The following KCNQ1 variants were observed in gnomAD, a reference collection of about 807,000 sequenced individuals.
The protein encoded by KCNQ1 is potassium voltage-gated channel subfamily Q member 1.
KCNQ1 carries 49 observed loss-of-function variants against 72.4 expected under a neutral mutation model. The ratio of observed to expected loss-of-function variants is 0.68; its 90% CI spans 0.54 to 0.86. The LOEUF (loss-of-function observed/expected upper bound fraction) is 0.86, where lower values mean the gene tolerates loss of function less well. KCNQ1 is among the 40% of genes least tolerant of loss of function. The pLI is 0.00. For missense variants in KCNQ1, 790 were observed against 945.1 expected, an observed-to-expected ratio of 0.84 and a Z score of 2.15; for synonymous variants, 450 against 412.6, an observed-to-expected ratio of 1.09 and a Z score of -1.10.
chr11:2,613,334 G>A lies in KCNQ1; in HGVS notation c.1393+24480G>A, dbSNP rs923122503. 5 of 398,408 alleles carry A rather than the reference G, an allele frequency of 1.3e-5. No individual in the cohort carries two copies. Among genetic ancestry groups the A allele is most frequent in the African/African-American group, 1.0e-4 (5 of 48,598 alleles). 24.7% of individuals were successfully genotyped at this position (398,408 alleles called of 1,614,324 possible). ...TTCCTTTTAAAATTTTTCTTAATCT[G>A]TCGCTTGCCCAACCAGTATTGAAAC... is the stretch of plus-strand genomic sequence containing the variant. On this transcript the variant is annotated intron_variant, in intron 10 of 15. Coordinates refer to ENST00000155840, the MANE Select transcript of KCNQ1 (RefSeq NM_000218.3). The surrounding 1 kb of genome is among the most constrained non-coding windows in gnomAD (Gnocchi z 4.8).
At position 2,624,230 on chromosome 11, in the gene KCNQ1, T is replaced by A. The variant is rs997464827; in HGVS notation, c.1393+35376T>A. 2.5e-6 allele frequency: 1 copy of A among 398,498 alleles called. No homozygotes were observed. Among genetic ancestry groups the A allele is most frequent in the Non-Finnish European group, 4.4e-6 (1 of 226,060 alleles). The allele number at this position is 398,498 out of a possible 1,614,324, so 24.7% of individuals were successfully genotyped here. On this transcript the variant is annotated intron_variant, in intron 10 of 15. Coordinates refer to ENST00000155840, the MANE Select transcript of KCNQ1 (RefSeq NM_000218.3). The surrounding 1 kb of genome is among the most constrained non-coding windows in gnomAD (Gnocchi z 4.9). ...TCTGTATATCTTCATTGGTGAGATG[T>A]CTGTTAAGGTCTTCAGTCCATTTTG... is the stretch of plus-strand genomic sequence containing the variant.
At position 2,659,072 on chromosome 11, in the gene KCNQ1, T is replaced by C. The variant is rs1308241189; in HGVS notation, c.1394-2889T>C. On this transcript the variant is annotated intron_variant, in intron 10 of 15. Transcript: ENST00000155840. This position sits in a 1 kb window ranked among gnomAD's most constrained non-coding sequence, Gnocchi z 4.3. ...TTTGTTTGTAACACGCTCATCATAG[T>C]CTGCTTTTCATCGTAGGGTCCTCCA... The C allele has an allele frequency of 2.5e-6, 1 of 398,502 alleles. No homozygotes were observed. Among genetic ancestry groups the C allele is most frequent in the Non-Finnish European group, 4.4e-6 (1 of 226,040 alleles). 24.7% of individuals were successfully genotyped at this position (398,502 alleles called of 1,614,324 possible).
intron 2 of KCNQ1, among the ~76,000 whole-genome samples, chr11:2,570,248 T>C (rs564745269): frequency 2.0e-5 from 3 of 148,582 alleles, no homozygotes; most frequent in Admixed American, 2.0e-4. Context: ...GAGTTCCTGG[T>C]GTGGGGCCCC....
At chr11:2,650,987 T>C (rs1590005836) in intron 10 of KCNQ1, 1 of 398,652 alleles carries the variant, frequency 2.5e-6, no homozygotes, top group Non-Finnish European at 4.4e-6. Flanking sequence ...TTATCAACTC[T>C]CTGGATTTGC....
intron 11 of KCNQ1, chr11:2,665,187 C>G (rs1447235476): frequency 2.5e-6 from 1 of 398,566 alleles, no homozygotes; most frequent in Non-Finnish European, 4.4e-6. Context: ...GACTCAGCCT[C>G]GAACACACCT....
chr11:2,820,537 G>A (rs577980103), intron 15 of KCNQ1, among the ~76,000 whole-genome samples: 1 of 152,146 alleles, frequency 6.6e-6, no homozygotes, highest in East Asian at 1.9e-4. Flanking sequence ...GGAGTTCTGC[G>A]ACTCCTCCAC....
chr11:2,792,500 C>T (rs1047325430), intron 15 of KCNQ1, among the ~76,000 whole-genome samples: 1 of 152,252 alleles, frequency 6.6e-6, no homozygotes, highest in African/African-American at 2.4e-5. Context: ...GAGAAACTCT[C>T]TCCCTCAGGT....
intron 15 of KCNQ1, among the ~76,000 whole-genome samples, chr11:2,790,527 T>TTTCCCATCCCCCC (rs1407214566): frequency 1.1e-4 from 16 of 152,152 alleles, no homozygotes; most frequent in Non-Finnish European, 8.8e-5. Context: ...CACAGACCCC[T>TTTCCCATCCCCCC]TTCCCATCCC....
chr11:2,837,210 G>A (rs2237896), intron 15 of KCNQ1, among the ~76,000 whole-genome samples: 9,698 of 152,214 alleles, frequency 0.064, 921 homozygotes, highest in East Asian at 0.37. Context: ...AAGAGCGCCC[G>A]GGGAGAGGCC....
In KCNQ1 at chr11:2,562,254, G is replaced by T. The variant is rs1428626472; in HGVS notation, c.478-8374G>T. Among the ~76,000 whole-genome samples, 1 of 152,138 alleles carries T rather than the reference G, an allele frequency of 6.6e-6. No individual in the cohort carries two copies. Among genetic ancestry groups the T allele is most frequent in the African/African-American group, 2.4e-5 (1 of 41,428 alleles). The stretch of plus-strand genomic sequence containing the variant: ...GGGGTGAGTGTGGATGAGGGCCCCA[G>T]CTGTGCCCAGCACGTCACTGGGGGC... On this transcript the variant is annotated intron_variant, in intron 2 of 15. Transcript: ENST00000155840. This position sits in a 1 kb window ranked among gnomAD's most constrained non-coding sequence, Gnocchi z 7.5.
chr11:2,718,942 G>A (rs1329717125), intron 11 of KCNQ1, among the ~76,000 whole-genome samples: 1 of 152,244 alleles, frequency 6.6e-6, no homozygotes, highest in African/African-American at 2.4e-5. Context: ...GCAGATTCCT[G>A]GGCTATTCCA....
At chr11:2,806,636 A>C (rs1163801916) in intron 15 of KCNQ1, among the ~76,000 whole-genome samples, 1 of 152,160 alleles carries the variant, frequency 6.6e-6, no homozygotes, top group African/African-American at 2.4e-5. Context: ...TAACCTGCTC[A>C]GCCCCCAGCT....
At chr11:2,717,899 C>A (rs571487236) in intron 11 of KCNQ1, among the ~76,000 whole-genome samples, 1 of 152,198 alleles carries the variant, frequency 6.6e-6, no homozygotes, top group Non-Finnish European at 1.5e-5. Flanking sequence ...TTGAGCCCCC[C>A]GGGGTATTAG....
chr11:2,738,149 G>C (rs968522791), intron 11 of KCNQ1, among the ~76,000 whole-genome samples: 6 of 151,774 alleles, frequency 4.0e-5, no homozygotes, highest in Admixed American at 2.6e-4. Context: ...TGCTCCAAAT[G>C]GTGGGGAGGG....
intron 2 of KCNQ1, among the ~76,000 whole-genome samples, chr11:2,568,482 T>C (rs1171733122): frequency 1.3e-5 from 2 of 152,128 alleles, no homozygotes; most frequent in East Asian, 1.9e-4. Flanking sequence ...GAGCTCTGTG[T>C]TTCCGTGGCC....
In KCNQ1 at chr11:2,623,420, A is replaced by G. The variant is rs1849206919; in HGVS notation, c.1393+34566A>G. 1 of 398,486 alleles carries G rather than the reference A, an allele frequency of 2.5e-6. No individual in the cohort carries two copies. Among genetic ancestry groups the G allele is most frequent in the African/African-American group, 2.1e-5 (1 of 48,622 alleles). 24.7% of individuals were successfully genotyped at this position (398,486 alleles called of 1,614,324 possible). On this transcript the variant is annotated intron_variant, in intron 10 of 15. Coordinates refer to ENST00000155840, the MANE Select transcript of KCNQ1 (RefSeq NM_000218.3). The surrounding 1 kb of genome is among the most constrained non-coding windows in gnomAD (Gnocchi z 5.2). ...CCTAAAAGTACTCTGTGCACTGCCTATTCAACCCTTCTTCCCCAACAACCC... is the reference window on the plus strand; with the variant it reads ...CCTAAAAGTACTCTGTGCACTGCCTGTTCAACCCTTCTTCCCCAACAACCC...
rs566806650 is a variant in KCNQ1 at position 2,575,637 on chromosome 11, C to T, written c.921+2651C>T. 7.2e-5 allele frequency among the ~76,000 whole-genome samples: 11 copies of T among 152,374 alleles called. No homozygotes were observed. The South Asian group carries it at 1.7e-3, about 23-fold the overall frequency. The stretch of plus-strand genomic sequence containing the variant: ...CCCACCGGGGAGTGAAGTACGCCCT[C>T]GCCGGCCAGGCAGCCAGGGCTGCTC... On this transcript the variant is annotated intron_variant, in intron 6 of 15. Coordinates refer to ENST00000155840, the MANE Select transcript of KCNQ1 (RefSeq NM_000218.3).
At chr11:2,727,237 G>A (rs1440500420) in intron 11 of KCNQ1, among the ~76,000 whole-genome samples, 1 of 152,198 alleles carries the variant, frequency 6.6e-6, no homozygotes, top group Non-Finnish European at 1.5e-5. Flanking sequence ...GCAGCTTGGG[G>A]GATGTGCTCA....
intron 1 of KCNQ1, among the ~76,000 whole-genome samples, chr11:2,519,442 T>G (rs2133631756): frequency 6.6e-6 from 1 of 152,306 alleles, no homozygotes; most frequent in South Asian, 2.1e-4. Flanking sequence ...TTGAGTACAT[T>G]TTTAATTATG....
Sources: gnomAD v4.1 joint callset for allele counts (sites outside exome capture counted in the v4.1 genomes callset) on GRCh38, gnomAD v4.1.1 for gene constraint, Gnocchi (gnomAD v3.1) non-coding constraint, MANE v1.5 for transcripts, NCBI Gene and HGNC (gene_info 2026-07-23, HGNC 2026-07-21) for gene names.